NEGR1: variants seen among roughly 807,000 people sequenced by gnomAD.
The protein encoded by NEGR1 is IgLON family member 4.
NEGR1 carries 10 observed loss-of-function variants against 40.9 expected under a neutral mutation model. The observed-to-expected ratio is 0.24, with a 90% CI of 0.15 to 0.42. The LOEUF is 0.42. Ranked by LOEUF, NEGR1 falls within the 10% of genes least tolerant of loss-of-function variation. The pLI, the probability that NEGR1 is intolerant of heterozygous loss-of-function variation, is 1.00. For synonymous variants in NEGR1, 185 were observed against 166.8 expected, an observed-to-expected ratio of 1.11 and a Z score of -0.84; for missense variants, 352 against 438.9, an observed-to-expected ratio of 0.80 and a Z score of 1.77.
intron 2 of NEGR1, among the ~76,000 whole-genome samples, chr1:71,846,548 C>A (rs1422679424): frequency 1.3e-5 from 2 of 152,108 alleles, no homozygotes; most frequent in African/African-American, 2.4e-5. Context: ...TCATCCCATA[C>A]CCTTGAAGAA....
In NEGR1 at chr1:71,977,464, T is replaced by C. The variant is rs906508525; in HGVS notation, c.177-42153A>G. Among the ~76,000 whole-genome samples, 39 of 152,302 alleles carry C rather than the reference T, an allele frequency of 2.6e-4. 1 individual carries two copies. Among genetic ancestry groups the C allele is most frequent in the African/African-American group, 8.2e-4 (34 of 41,574 alleles). ...TTATTTTTCAGATAAATTCTCTGCT[T>C]GAAGAAAATCTAGGTATCTTAAAAA... On this transcript the variant is annotated intron_variant, in intron 1 of 6. Transcript: ENST00000357731.
intron 1 of NEGR1, among the ~76,000 whole-genome samples, chr1:72,221,357 G>A (rs1220115413): frequency 1.3e-5 from 2 of 151,908 alleles, no homozygotes; most frequent in African/African-American, 4.8e-5. Flanking sequence ...TGTGAATATT[G>A]GGGAGACACT....
At chr1:71,768,199 T>C (rs1328676534) in intron 3 of NEGR1, among the ~76,000 whole-genome samples, 1 of 152,112 alleles carries the variant, frequency 6.6e-6, no homozygotes, top group Non-Finnish European at 1.5e-5. Context: ...GTAGATCCAC[T>C]GACAGCTTGT....
At chr1:71,615,199 A>T (rs1321281637) in intron 4 of NEGR1, among the ~76,000 whole-genome samples, 1 of 152,182 alleles carries the variant, frequency 6.6e-6, no homozygotes, top group Non-Finnish European at 1.5e-5. Flanking sequence ...TTTGGAAATA[A>T]CTTGTTCAAA....
At chr1:71,979,217 G>A (rs1646333903) in intron 1 of NEGR1, among the ~76,000 whole-genome samples, 1 of 152,124 alleles carries the variant, frequency 6.6e-6, no homozygotes, top group Admixed American at 6.5e-5. Flanking sequence ...AAGGTAAAGG[G>A]TGGGAGGAAG....
intron 2 of NEGR1, among the ~76,000 whole-genome samples, chr1:71,917,165 C>T (rs115841788): frequency 0.01 from 1,564 of 152,254 alleles, 27 homozygotes; most frequent in African/African-American, 0.036. Flanking sequence ...TATAGTGATG[C>T]TTTGGAATGT....
intron 6 of NEGR1, among the ~76,000 whole-genome samples, chr1:71,420,178 G>T (rs1646385451): frequency 6.6e-6 from 1 of 151,794 alleles, no homozygotes. Flanking sequence ...GTTCCTTCAG[G>T]CACAAAACAT....
chr1:71,849,708 T>C (rs570345141), intron 2 of NEGR1, among the ~76,000 whole-genome samples: 1 of 152,230 alleles, frequency 6.6e-6, no homozygotes, highest in African/African-American at 2.4e-5. Context: ...TTTTAAGAAA[T>C]TGCCACAGTC....
intron 1 of NEGR1, among the ~76,000 whole-genome samples, chr1:72,202,082 C>T (rs777917084): frequency 2.0e-5 from 3 of 151,864 alleles, no homozygotes; most frequent in African/African-American, 4.8e-5. Flanking sequence ...GTAATTCCTG[C>T]GGTAAGTCAA....
At chr1:71,837,932 CT>C (rs1659100965) in intron 2 of NEGR1, among the ~76,000 whole-genome samples, 2 of 152,064 alleles carry the variant, frequency 1.3e-5, no homozygotes, top group South Asian at 4.1e-4. Flanking sequence ...TGTATTCTTC[CT>C]GATGTTCTAA....
At chr1:71,802,207 T>C (rs569655391) in intron 2 of NEGR1, among the ~76,000 whole-genome samples, 3 of 151,792 alleles carry the variant, frequency 2.0e-5, no homozygotes. Context: ...GAAGAAGAAA[T>C]TATTAACAGA....
chr1:72,201,218 A>T (rs1372414179), intron 1 of NEGR1, among the ~76,000 whole-genome samples: 3 of 151,668 alleles, frequency 2.0e-5, no homozygotes, highest in African/African-American at 7.2e-5. Flanking sequence ...GGTCTTATAA[A>T]GTACTTGGTT....
intron 1 of NEGR1, among the ~76,000 whole-genome samples, chr1:72,168,576 T>C (rs1242290667): frequency 2.6e-5 from 4 of 152,090 alleles, no homozygotes; most frequent in South Asian, 2.1e-4. Context: ...GTAATAGCCA[T>C]GAAAGTAACT....
At chr1:71,593,393 A>G (rs1649572422) in intron 5 of NEGR1, among the ~76,000 whole-genome samples, 2 of 152,184 alleles carry the variant, frequency 1.3e-5, no homozygotes. Flanking sequence ...GTCATTTCAG[A>G]CATTATTAAA....
intron 2 of NEGR1, among the ~76,000 whole-genome samples, chr1:71,898,949 A>AAT (rs1394030070): frequency 4.2e-5 from 5 of 119,352 alleles, no homozygotes; most frequent in South Asian, 2.8e-4. Flanking sequence ...ATATATTGCA[A>AAT]ATATATATAT....
chr1:71,422,815 A>G (rs1569853687), intron 6 of NEGR1: 2 of 152,330 alleles, frequency 1.3e-5, no homozygotes, highest in Admixed American at 6.5e-5. Flanking sequence ...TATGACTGAA[A>G]GCAGCATCAG....
intron 1 of NEGR1, among the ~76,000 whole-genome samples, chr1:72,152,950 A>G (rs1024641674): frequency 1.3e-5 from 2 of 151,944 alleles, no homozygotes; most frequent in Admixed American, 6.6e-5. Flanking sequence ...ATGAACATCA[A>G]TATGGAAACA....
intron 1 of NEGR1, among the ~76,000 whole-genome samples, chr1:72,152,285 G>T (rs1458271375): frequency 1.3e-5 from 2 of 151,488 alleles, no homozygotes; most frequent in East Asian, 3.9e-4. Context: ...ACCATAATGG[G>T]GTTTTTCAAA....
chr1:71,834,067 T>C (rs1658930614), intron 2 of NEGR1, among the ~76,000 whole-genome samples: 1 of 152,166 alleles, frequency 6.6e-6, no homozygotes, highest in Non-Finnish European at 1.5e-5. Flanking sequence ...TCTTGGATTT[T>C]GGCCTACCTT....
Sources: allele counts gnomAD v4.1 joint callset (sites outside exome capture counted in the v4.1 genomes callset), GRCh38; gene constraint gnomAD v4.1.1; transcripts MANE v1.5; gene names NCBI Gene and HGNC (gene_info 2026-07-23, HGNC 2026-07-21).